Variants in CFAP210 observed in about 807,000 individuals in gnomAD.
CFAP210 encodes cilia and flagella associated protein 210.
chr2:169,650,718 C>G, the CFAP210 span, among the ~76,000 whole-genome samples: 5 of 140,294 alleles, frequency 3.6e-5, no homozygotes, highest in African/African-American at 1.4e-4. Flanking sequence ...AATCCAAAGA[C>G]AGTAATATGT....
At chr2:169,683,681 A>G in the CFAP210 span, among the ~76,000 whole-genome samples, 29 of 152,346 alleles carry the variant, frequency 1.9e-4, no homozygotes, top group African/African-American at 7.0e-4. Flanking sequence ...CAGCGGTGGC[A>G]GGAGAGCAGG....
chr2:169,674,628 CT>C, the CFAP210 span: 1 of 1,609,096 alleles, frequency 6.2e-7, no homozygotes, highest in Admixed American at 1.7e-5. Context: ...CGTTTTTCTG[CT>C]TTTTCTTGTT....
the CFAP210 span, among the ~76,000 whole-genome samples, chr2:169,689,316 G>C: frequency 1.1e-4 from 17 of 152,156 alleles, no homozygotes; most frequent in East Asian, 2.9e-3. Context: ...GTTTTTTAAA[G>C]GGTAAATTTT....
the CFAP210 span, among the ~76,000 whole-genome samples, chr2:169,668,428 A>T: frequency 1.3e-5 from 2 of 152,132 alleles, no homozygotes; most frequent in East Asian, 3.8e-4. Flanking sequence ...AGCACTTTTA[A>T]TTTCCTTCAA....
chr2:169,694,242 A>G, the CFAP210 span: 7 of 1,613,626 alleles, frequency 4.3e-6, no homozygotes, highest in Non-Finnish European at 5.1e-6. Flanking sequence ...CTGTCCCTGG[A>G]TAGGTCAGTT....
chr2:169,669,201 A>G, the CFAP210 span, among the ~76,000 whole-genome samples: 57,777 of 151,954 alleles, frequency 0.38, 11,298 homozygotes, highest in African/African-American at 0.42. Flanking sequence ...ATTCCAGACC[A>G]TAGAGAAAAC....
the CFAP210 span, among the ~76,000 whole-genome samples, chr2:169,651,457 C>T: frequency 6.6e-6 from 1 of 151,690 alleles, no homozygotes; most frequent in East Asian, 2.0e-4. Flanking sequence ...TGCAGTGGCA[C>T]AATCTTGGCT....
the CFAP210 span, among the ~76,000 whole-genome samples, chr2:169,687,098 T>C: frequency 6.6e-6 from 1 of 152,132 alleles, no homozygotes; most frequent in African/African-American, 2.4e-5. Context: ...AATGGCATGG[T>C]AAAGACCAGC....
chr2:169,650,771 T>TGTGTG, the CFAP210 span, among the ~76,000 whole-genome samples: 9 of 148,254 alleles, frequency 6.1e-5, no homozygotes, highest in Non-Finnish European at 9.0e-5. Flanking sequence ...TGTGTGTGTG[T>TGTGTG]TTAAGAAATA....
chr2:169,650,594 G>T, the CFAP210 span: 1 of 1,341,282 alleles, frequency 7.5e-7, no homozygotes, highest in East Asian at 2.8e-5. Context: ...ATTTAATTAG[G>T]GAATCTGAGA....
the CFAP210 span, among the ~76,000 whole-genome samples, chr2:169,688,001 G>A: frequency 6.6e-6 from 1 of 152,158 alleles, no homozygotes; most frequent in Non-Finnish European, 1.5e-5. Flanking sequence ...CAAGGCTTGG[G>A]GCTTCCACCC....
the CFAP210 span, among the ~76,000 whole-genome samples, chr2:169,687,193 G>C: frequency 6.6e-6 from 1 of 152,156 alleles, no homozygotes; most frequent in Non-Finnish European, 1.5e-5. Context: ...AGATTTGGGT[G>C]GGGACACAGC....
chr2:169,653,918 G>A, the CFAP210 span, among the ~76,000 whole-genome samples: 2,193 of 152,224 alleles, frequency 0.014, 60 homozygotes, highest in African/African-American at 0.05. Flanking sequence ...TCTACAAGAT[G>A]ATGTCCTCAC....
the CFAP210 span, among the ~76,000 whole-genome samples, chr2:169,684,931 C>G: frequency 6.6e-6 from 1 of 152,202 alleles, no homozygotes. Context: ...GCTGAGATTA[C>G]AGGTGTGAGC....
At chr2:169,670,272 T>C in the CFAP210 span, among the ~76,000 whole-genome samples, 1 of 152,154 alleles carries the variant, frequency 6.6e-6, no homozygotes, top group Non-Finnish European at 1.5e-5. Flanking sequence ...TTTTGGGATT[T>C]TGGTGTCACT....
At chr2:169,666,638 C>T in the CFAP210 span, among the ~76,000 whole-genome samples, 1 of 151,796 alleles carries the variant, frequency 6.6e-6, no homozygotes. Flanking sequence ...GTGGCTGTGG[C>T]AATTTATTAA....
chr2:169,653,858 C>T, the CFAP210 span, among the ~76,000 whole-genome samples: 2 of 152,150 alleles, frequency 1.3e-5, no homozygotes, highest in Non-Finnish European at 2.9e-5. Flanking sequence ...CTCACAAAGC[C>T]ATCTTCAGCT....
the CFAP210 span, among the ~76,000 whole-genome samples, chr2:169,684,534 T>A: frequency 6.6e-6 from 1 of 152,238 alleles, no homozygotes; most frequent in Non-Finnish European, 1.5e-5. Context: ...TTGGAGACAT[T>A]TCATGTGCAT....
chr2:169,678,266 G>A, the CFAP210 span, among the ~76,000 whole-genome samples: 4 of 148,602 alleles, frequency 2.7e-5, no homozygotes, highest in African/African-American at 5.0e-5. Context: ...GCTTGAACCC[G>A]GGAGGCGGAG....
Sources: gnomAD v4.1 joint callset for allele counts (sites outside exome capture counted in the v4.1 genomes callset) on GRCh38, gnomAD v4.1.1 for gene constraint, MANE v1.5 for transcripts, NCBI Gene and HGNC (gene_info 2026-07-23, HGNC 2026-07-21) for gene names.